Variants in POMT1 observed in about 807,000 individuals in gnomAD.
The protein encoded by POMT1 is protein O-mannosyl-transferase 1.
In POMT1, 85 loss-of-function variants were observed where a neutral mutation model predicts 101.6. That is an observed-to-expected ratio of 0.84 (90% CI 0.70 to 1.00). POMT1 has a LOEUF of 1.00. Among genes scored for constraint, POMT1 ranks in the 50% least tolerant of loss-of-function variants. The pLI, the probability that POMT1 is intolerant of heterozygous loss-of-function variation, is 0.00. For synonymous variants in POMT1, 371 were observed against 383.0 expected (o/e 0.97, Z 0.37); for missense variants, 857 against 930.4 (o/e 0.92, Z 1.03).
intron 17 of POMT1, chr9:131,521,140 G>A: frequency 1.5e-6 from 1 of 654,952 alleles, no homozygotes; most frequent in Middle Eastern, 4.1e-4. Context: ...ACCACACCCG[G>A]CTGGCATCAG....
chr9:131,522,322 T>C lies in POMT1; in HGVS notation c.2003+98T>C. The C allele has an allele frequency of 6.4e-7, 1 of 1,572,832 alleles. No homozygotes were observed. The highest frequency in any genetic ancestry group is 1.8e-5 in the Admixed American group (1 of 56,264). ...CATGGGGTGCAGCGAACCTCACCCA[T>C]TTCACGTTACACTGACATCCTCCGG... On this transcript the variant is annotated intron_variant, in intron 19 of 19. Transcript: ENST00000402686. This position sits in a 1 kb window ranked among gnomAD's most constrained non-coding sequence, Gnocchi z 5.5.
intron 6 of POMT1, 141 bp downstream of exon 6, chr9:131,509,163 C>T (rs1205406048): frequency 3.0e-6 from 2 of 677,658 alleles, no homozygotes; most frequent in Non-Finnish European, 5.2e-6. Flanking sequence ...TGCTAAATAT[C>T]TTTTTTTTTG....
In POMT1 at chr9:131,518,857, T is replaced by C. The variant is rs1205036936; in HGVS notation, c.1386T>C (p.Pro462=). 1 of 1,613,976 alleles carries C rather than the reference T, an allele frequency of 6.2e-7. No individual in the cohort carries two copies. ...AVLKLSGAHL[P]DWGYRQLEIV... is the part of the protein sequence containing the mutation. ...ACCAGCTGAGCGGGGCTCACCTCCC[T>C]GACTGGGGGTATCGGCAACTGGAGA... is the stretch of plus-strand genomic sequence containing the variant. The change falls in exon 15 of 20, where the codon CCT becomes CCC. Residue 462 remains proline (P), a synonymous_variant. Coordinates refer to ENST00000402686, the MANE Select transcript of POMT1 (RefSeq NM_001077365.2).
At position 131,522,034 on chromosome 9, in the gene POMT1, C is replaced by T. The variant is rs1950038171; in HGVS notation, c.1826-13C>T. On this transcript the variant is annotated splice_polypyrimidine_tract_variant and intron_variant, in intron 18 of 19. Transcript: ENST00000402686. The surrounding 1 kb of genome is among the most constrained non-coding windows in gnomAD (Gnocchi z 5.5). ...AGCAGCAGAGTCGGTGTAGCTCGAG[C>T]CCTTTCCTATAGATGCCTGGCTGCG... The T allele has an allele frequency of 6.2e-7, 1 of 1,613,388 alleles. No homozygotes were observed. Among genetic ancestry groups the T allele is most frequent in the Non-Finnish European group, 8.5e-7 (1 of 1,179,820 alleles).
rs369006400 is a variant in POMT1, at chr9:131,509,053, C to T, written c.539+31C>T. On this transcript the variant is annotated intron_variant, in intron 6 of 19. Transcript: ENST00000402686. The stretch of plus-strand genomic sequence containing the variant: ...GAAAATGGAGTGTCTTCCTAGTTAA[C>T]GAGAACAGAGATTCTGGGTGGTTTG... The T allele has an allele frequency of 8.2e-4, 1,213 of 1,483,534 alleles. 1 individual carries two copies. The highest frequency in any genetic ancestry group is 1.0e-3 in the Non-Finnish European group (1,098 of 1,063,054). The allele number at this position is 1,483,534 out of a possible 1,614,324, so 91.9% of individuals were successfully genotyped here.
In POMT1 at chr9:131,510,488, C is replaced by A. The variant is rs1388115148; in HGVS notation, c.855+73C>A. 3.3e-6 allele frequency: 5 copies of A among 1,514,602 alleles called. No individual in the cohort carries two copies. In the African/African-American group the frequency reaches 6.9e-5, roughly 21 times the overall value. The allele number at this position is 1,514,602 out of a possible 1,614,324, so 93.8% of individuals were successfully genotyped here. A position where few individuals can be genotyped will look rare whatever the true frequency, so the allele number is the denominator to read the frequency against. On this transcript the variant is annotated intron_variant, in intron 9 of 19. Coordinates refer to ENST00000402686, the MANE Select transcript of POMT1 (RefSeq NM_001077365.2). Reference sequence around the variant, plus strand: ...TGGACCCAGAGTTTTCTTACAAACACATCAAGTGAACATTAGCACTTGAAT... The same window carrying A: ...TGGACCCAGAGTTTTCTTACAAACAAATCAAGTGAACATTAGCACTTGAAT...
chr9:131,516,129 C>T, intron 13 of POMT1, among the ~76,000 whole-genome samples: 1 of 121,190 alleles, frequency 8.3e-6, no homozygotes, highest in Non-Finnish European at 1.8e-5. Context: ...CACTTCCTCA[C>T]ACGGAACACT....
rs1365152004 is a variant in POMT1, at chr9:131,506,216, G to A, written c.225G>A (p.Leu75=). Reference sequence around the variant, plus strand: ...CATTTGGCCACATGGTGCTGGCCTTGGGAGGTAGGAGTCATCAGGAGAGTA... The same window carrying A: ...CATTTGGCCACATGGTGCTGGCCTTAGGAGGTAGGAGTCATCAGGAGAGTA... ...GPPFGHMVLA[L]GGYLGGFDGN... Residue 75 remains leucine, a synonymous_variant, in exon 3 of 20, where the codon TTG becomes TTA. Coordinates refer to ENST00000402686, the MANE Select transcript of POMT1 (RefSeq NM_001077365.2). 6 of 1,613,838 alleles carry A rather than the reference G, an allele frequency of 3.7e-6. No homozygotes were observed. The highest frequency in any genetic ancestry group is 5.1e-6 in the Non-Finnish European group (6 of 1,179,870).
rs890651100 is a variant in POMT1, at chr9:131,523,148, G to A, written c.*42G>A. On this transcript the variant is annotated 3_prime_UTR_variant, in exon 20 of 20. Coordinates refer to ENST00000402686, the MANE Select transcript of POMT1 (RefSeq NM_001077365.2). ...AGAACACCCGTGCTGGGGTCGGGAT[G>A]AGGTTGAAGGGTCTTGGTCAATGTA... 18 of 1,592,938 alleles carry A rather than the reference G, an allele frequency of 1.1e-5. No homozygotes were observed. Among genetic ancestry groups the A allele is most frequent in the African/African-American group, 4.0e-5 (3 of 74,716 alleles).
intron 5 of POMT1, 112 bp downstream of exon 5, chr9:131,507,626 T>G (rs905258830): frequency 2.4e-5 from 35 of 1,480,572 alleles, no homozygotes; most frequent in Non-Finnish European, 3.2e-5. Context: ...GTGCATCTGG[T>G]TCATCCAAAT....
intron 10 of POMT1, 82 bp downstream of exon 10, chr9:131,511,549 T>C: frequency 6.4e-7 from 1 of 1,570,032 alleles, no homozygotes; most frequent in Non-Finnish European, 8.7e-7. Flanking sequence ...TTTCCCTTTC[T>C]TTGAGGAAGT....
chr9:131,521,493 G>A (rs768566031), intron 18 of POMT1, 21 bp downstream of exon 18: 1 of 1,612,278 alleles, frequency 6.2e-7, no homozygotes. Context: ...CTCCCACATG[G>A]CTTTCTTTCT....
rs538153971 is a variant in POMT1, at chr9:131,506,611, G to T, written c.280+158G>T. The T allele has an allele frequency of 6.8e-6, 5 of 736,858 alleles. No homozygotes were observed. The East Asian group carries it at 1.0e-4, about 15-fold the overall frequency. 45.6% of individuals were successfully genotyped at this position (736,858 alleles called of 1,614,324 possible). ...ATCTGAGTCCAGAAAATAATAAATTGGTTGGATACAAATGAAAGACTTCTG... is the reference window on the plus strand; with the variant it reads ...ATCTGAGTCCAGAAAATAATAAATTTGTTGGATACAAATGAAAGACTTCTG... On this transcript the variant is annotated intron_variant, in intron 4 of 19. Transcript: ENST00000402686.
chr9:131,510,145 C>T (rs1243430356), intron 8 of POMT1, 115 bp from the exon 9 acceptor site: 1 of 1,608,978 alleles, frequency 6.2e-7, no homozygotes, highest in African/African-American at 1.3e-5. Flanking sequence ...TCTGCAGGTG[C>T]CTCTGTATGG....
chr9:131,509,871 A>G, intron 7 of POMT1, 32 bp from the exon 8 acceptor site: 1 of 1,614,032 alleles, frequency 6.2e-7, no homozygotes, highest in Non-Finnish European at 8.5e-7. Context: ...TTCCTGTCTC[A>G]TGTTAACTCC....
At chr9:131,511,261 G>T in intron 9 of POMT1, 76 bp from the exon 10 acceptor site, 1 of 1,468,586 alleles carries the variant, frequency 6.8e-7, no homozygotes, top group Admixed American at 1.9e-5. Context: ...AGAGGGAGGA[G>T]TGGCCATCGG....
At chr9:131,520,841 G>T (rs970897938) in intron 17 of POMT1, among the ~76,000 whole-genome samples, 14 of 152,146 alleles carry the variant, frequency 9.2e-5, no homozygotes, top group African/African-American at 2.4e-4. Flanking sequence ...GTGTGTGTGT[G>T]TATGTGAGAG....
intron 12 of POMT1, among the ~76,000 whole-genome samples, chr9:131,515,083 G>A (rs142881731): frequency 8.4e-4 from 128 of 152,354 alleles, no homozygotes; most frequent in African/African-American, 2.8e-3. Context: ...TTGTAGCATT[G>A]GTACTGCCAG....
In POMT1 at chr9:131,515,313, T is replaced by C. The variant is rs1588427024; in HGVS notation, c.1176-113T>C. ...ACTCATGGGACTGGGCCACCCCTTA[T>C]GGCTGAGCCGGCTTTGTTTCTGAAA... On this transcript the variant is annotated intron_variant, in intron 12 of 19. Coordinates refer to ENST00000402686, the MANE Select transcript of POMT1 (RefSeq NM_001077365.2). 5 of 1,091,828 alleles carry C rather than the reference T, an allele frequency of 4.6e-6. No individual in the cohort carries two copies. In the East Asian group the frequency reaches 1.2e-4, roughly 26 times the overall value. 67.6% of individuals were successfully genotyped at this position (1,091,828 alleles called of 1,614,324 possible).
Sources: allele counts gnomAD v4.1 joint callset (sites outside exome capture counted in the v4.1 genomes callset), GRCh38; gene constraint gnomAD v4.1.1; non-coding constraint Gnocchi (gnomAD v3.1); transcripts MANE v1.5; gene names NCBI Gene and HGNC (gene_info 2026-07-23, HGNC 2026-07-21).